The following CNTN3 variants were observed in gnomAD, a reference collection of about 807,000 sequenced individuals.
CNTN3 encodes contactin 3.
Under a neutral mutation model 119.1 loss-of-function variants are expected in CNTN3, and 60 were observed. The ratio of observed to expected loss-of-function variants is 0.50; its 90% CI spans 0.41 to 0.62. The LOEUF (loss-of-function observed/expected upper bound fraction) is 0.62. Among genes scored for constraint, CNTN3 ranks in the 20% least tolerant of loss-of-function variants. CNTN3 has a pLI of 0.00. For synonymous variants in CNTN3, 450 were observed against 438.7 expected, an observed-to-expected ratio of 1.03 and a Z score of -0.32; for missense variants, 1,101 against 1,242.4, an observed-to-expected ratio of 0.89 and a Z score of 1.71.
chr3:74,411,334 T>C (rs183687369), intron 5 of CNTN3, among the ~76,000 whole-genome samples: 8 of 152,212 alleles, frequency 5.3e-5, no homozygotes, highest in African/African-American at 1.9e-4. Context: ...ATTTTGAAAA[T>C]TACTGGTGAA....
chr3:74,582,121 T>G (rs1704518562), intron 1 of CNTN3, among the ~76,000 whole-genome samples: 1 of 152,048 alleles, frequency 6.6e-6, no homozygotes, highest in Non-Finnish European at 1.5e-5. Flanking sequence ...AAAAATATCA[T>G]TTAGGCCAGG....
At chr3:74,397,856 T>C (rs1705095004) in intron 5 of CNTN3, among the ~76,000 whole-genome samples, 1 of 152,128 alleles carries the variant, frequency 6.6e-6, no homozygotes, top group South Asian at 2.1e-4. Flanking sequence ...AACTTTCATG[T>C]ATGACTTTGA....
intron 4 of CNTN3, among the ~76,000 whole-genome samples, chr3:74,450,707 C>T (rs181627854): frequency 0.022 from 3,085 of 142,562 alleles, 101 homozygotes; most frequent in African/African-American, 0.072. Flanking sequence ...GTTCCCCTTC[C>T]TGTGTCCATG....
chr3:74,574,866 G>T (rs1339215592), intron 1 of CNTN3, among the ~76,000 whole-genome samples: 1 of 151,874 alleles, frequency 6.6e-6, no homozygotes, highest in East Asian at 1.9e-4. Flanking sequence ...TGGGATGTTA[G>T]AGAGAGGACT....
Position 74,424,869 on chromosome 3 carries a change from A to G in CNTN3, c.430T>C (p.Cys144Arg). 1 of 1,613,728 alleles carries G rather than the reference A, an allele frequency of 6.2e-7. No individual in the cohort carries two copies. Among genetic ancestry groups the G allele is most frequent in the Non-Finnish European group, 8.5e-7 (1 of 1,179,764 alleles). Reference protein sequence around the residue: ...VREGQGVVLLCGPPPHSGELS... With the variant: ...VREGQGVVLLRGPPPHSGELS... Reference sequence around the variant, plus strand: ...CCTCCAGAGTGTGGTGGGGGGCCGCAGAGCAGCACAACTCCCTGGCCTTCA... The same window carrying G: ...CCTCCAGAGTGTGGTGGGGGGCCGCGGAGCAGCACAACTCCCTGGCCTTCA... The change falls in exon 5 of 23, where the codon TGC becomes CGC. Residue 144 changes from cysteine (C) to arginine (R), a missense_variant. Physicochemically the swap from Cys to Arg is radical, Grantham distance 180 (BLOSUM62 -3). Transcript: ENST00000263665.
chr3:74,563,094 G>A (rs1333861460), intron 1 of CNTN3, among the ~76,000 whole-genome samples: 1 of 152,120 alleles, frequency 6.6e-6, no homozygotes, highest in African/African-American at 2.4e-5. Context: ...CTGGAGGAAT[G>A]GCTTTAAACA....
At chr3:74,482,726 A>G (rs372166405) in intron 4 of CNTN3, among the ~76,000 whole-genome samples, 1 of 152,150 alleles carries the variant, frequency 6.6e-6, no homozygotes, top group East Asian at 1.9e-4. Flanking sequence ...GAACAATTAG[A>G]GAGAACATTT....
rs60306845 is a variant in CNTN3 at position 74,582,783 on chromosome 3, TTGTG to T, written c.-81+31604_-81+31607del. Among the ~76,000 whole-genome samples, 626 of 144,808 alleles carry T rather than the reference TTGTG, an allele frequency of 4.3e-3. 1 individual carries two copies. Among genetic ancestry groups the T allele is most frequent in the Middle Eastern group, 7.1e-3 (2 of 280 alleles). The allele number at this position is 144,808 out of a possible 152,430, so 95.0% of individuals were successfully genotyped here. A position where few individuals can be genotyped will look rare whatever the true frequency, so the allele number is the denominator to read the frequency against. On this transcript the variant is annotated intron_variant, in intron 1 of 22. Transcript: ENST00000263665. ...ACCCATCAAGTGCATGTGTATGCAT[TTGTG>T]TGTGTGTGTGTGTGTGTGTGTGTGT...
chr3:74,508,713 T>C (rs1210980797), intron 2 of CNTN3, among the ~76,000 whole-genome samples: 2 of 152,164 alleles, frequency 1.3e-5, no homozygotes, highest in Non-Finnish European at 2.9e-5. Context: ...TATCCTACTT[T>C]TAAAAATGCT....
rs1311913618 is a variant in CNTN3, at chr3:74,263,554, T to A, written c.*847A>T. The A allele has an allele frequency of 6.6e-6, 1 of 151,906 alleles. No individual in the cohort carries two copies. Among genetic ancestry groups the A allele is most frequent in the Non-Finnish European group, 1.5e-5 (1 of 67,930 alleles). 9.4% of individuals were successfully genotyped at this position (151,906 alleles called of 1,614,324 possible). A position where few individuals can be genotyped will look rare whatever the true frequency, so the allele number is the denominator to read the frequency against. ...TTTTTTTTTTTGAGAAAGAATAAAA[T>A]GTGATCATTTGAATTTTGGAATATA... On this transcript the variant is annotated 3_prime_UTR_variant, in exon 23 of 23. Transcript: ENST00000263665.
chr3:74,384,954 T>A (rs1216978915), intron 5 of CNTN3, among the ~76,000 whole-genome samples: 1 of 152,322 alleles, frequency 6.6e-6, no homozygotes, highest in Non-Finnish European at 1.5e-5. Context: ...AATTAGTTGA[T>A]CTTCCGCTGG....
Position 74,424,855 on chromosome 3 carries a change from T to C in CNTN3, c.444A>G (p.Pro148=). 1.2e-6 allele frequency: 2 copies of C among 1,613,470 alleles called. No individual in the cohort carries two copies. Among genetic ancestry groups the C allele is most frequent in the Non-Finnish European group, 1.7e-6 (2 of 1,179,614 alleles). The stretch of plus-strand genomic sequence containing the variant: ...CAGAGCATGACTTACCTCCAGAGTG[T>C]GGTGGGGGGCCGCAGAGCAGCACAA... ...QGVVLLCGPP[P]HSGELSYAWI... is the part of the protein sequence containing the mutation. The change falls in exon 5 of 23, where the codon CCA becomes CCG. Residue 148 remains proline, a synonymous_variant. Coordinates refer to ENST00000263665, the MANE Select transcript of CNTN3 (RefSeq NM_020872.3).
chr3:74,529,693 T>G (rs968462691), intron 1 of CNTN3, among the ~76,000 whole-genome samples: 3 of 151,982 alleles, frequency 2.0e-5, no homozygotes, highest in Non-Finnish European at 4.4e-5. Context: ...AACAATTTAT[T>G]CCTAAAATGA....
chr3:74,484,697 T>C (rs184706576), intron 4 of CNTN3, among the ~76,000 whole-genome samples: 1 of 152,092 alleles, frequency 6.6e-6, no homozygotes, highest in East Asian at 1.9e-4. Context: ...AACCCCAAAA[T>C]ACAAGGGGTG....
At chr3:74,297,596 G>A (rs1702366761) in intron 18 of CNTN3, among the ~76,000 whole-genome samples, 1 of 152,170 alleles carries the variant, frequency 6.6e-6, no homozygotes, top group African/African-American at 2.4e-5. Context: ...AGGCGAACAT[G>A]GAGTAGCTAC....
chr3:74,287,475 T>C (rs1212445452), intron 19 of CNTN3, among the ~76,000 whole-genome samples: 1 of 152,250 alleles, frequency 6.6e-6, no homozygotes, highest in East Asian at 1.9e-4. Flanking sequence ...AGAAATACTC[T>C]TTTAATAGAC....
At chr3:74,417,069 G>A (rs1701535641) in intron 5 of CNTN3, among the ~76,000 whole-genome samples, 1 of 151,898 alleles carries the variant, frequency 6.6e-6, no homozygotes, top group South Asian at 2.1e-4. Context: ...TCACCTAACT[G>A]CTCTGAGCCT....
chr3:74,328,631 A>T (rs758456147), intron 13 of CNTN3, among the ~76,000 whole-genome samples: 92 of 152,198 alleles, frequency 6.0e-4, no homozygotes, highest in Non-Finnish European at 1.1e-3. Flanking sequence ...GTACTTGATA[A>T]ATACAGCCCT....
At chr3:74,568,577 C>T (rs1704261499) in intron 1 of CNTN3, among the ~76,000 whole-genome samples, 1 of 152,140 alleles carries the variant, frequency 6.6e-6, no homozygotes, top group Non-Finnish European at 1.5e-5. Context: ...CTCAGAGTAA[C>T]ACGGAGGAGA....
Sources: allele counts gnomAD v4.1 joint callset (sites outside exome capture counted in the v4.1 genomes callset), GRCh38; gene constraint gnomAD v4.1.1; transcripts MANE v1.5; gene names NCBI Gene and HGNC (gene_info 2026-07-23, HGNC 2026-07-21).